Variants in PPP2R2B observed in about 807,000 individuals in gnomAD.
The protein encoded by PPP2R2B is serine/threonine-protein phosphatase 2A 55 kDa regulatory subunit B beta isoform.
In PPP2R2B, 5 loss-of-function variants were observed where a neutral mutation model predicts 46.0. The observed-to-expected ratio is 0.11, with a 90% CI of 0.06 to 0.23. PPP2R2B has a LOEUF of 0.23. Among genes scored for constraint, PPP2R2B ranks in the 10% least tolerant of loss-of-function variants. PPP2R2B has a pLI of 1.00. For missense variants in PPP2R2B, 367 were observed against 575.0 expected (o/e 0.64, Z 3.70); for synonymous variants, 215 against 206.7 (o/e 1.04, Z -0.34).
intron 6 of PPP2R2B, among the ~76,000 whole-genome samples, chr5:146,649,691 C>T (rs1459853590): frequency 6.6e-6 from 1 of 152,144 alleles, no homozygotes; most frequent in Non-Finnish European, 1.5e-5. Flanking sequence ...CTGAAGCAAT[C>T]CACCTACCTA....
chr5:146,615,544 A>T (rs1267008854), intron 7 of PPP2R2B, among the ~76,000 whole-genome samples: 1 of 149,800 alleles, frequency 6.7e-6, no homozygotes, highest in Non-Finnish European at 1.5e-5. Context: ...AAAAAAAACT[A>T]TTAGAACTGA....
chr5:146,859,997 G>T (rs565954094), intron 2 of PPP2R2B, among the ~76,000 whole-genome samples: 1 of 152,304 alleles, frequency 6.6e-6, no homozygotes, highest in South Asian at 2.1e-4. Flanking sequence ...CCATCTTATT[G>T]GAGAGATTCA....
At chr5:146,637,426 A>C (rs433525) in intron 7 of PPP2R2B, among the ~76,000 whole-genome samples, 19,097 of 152,152 alleles carry the variant, frequency 0.13, 2,297 homozygotes, top group African/African-American at 0.3. Flanking sequence ...CCCGAAACAA[A>C]AATCTATGTA....
At chr5:147,014,547 T>C in intron 1 of PPP2R2B, among the ~76,000 whole-genome samples, 1 of 152,146 alleles carries the variant, frequency 6.6e-6, no homozygotes, top group Non-Finnish European at 1.5e-5. Context: ...CATGGAATAC[T>C]ATGCAGCCAT....
Position 146,580,981 on chromosome 5 carries a change from G to T in PPP2R2B, c.*8966C>A, listed in dbSNP as rs540720905. On this transcript the variant is annotated 3_prime_UTR_variant, in exon 10 of 10. Transcript: ENST00000394411. The stretch of plus-strand genomic sequence containing the variant: ...TCAGCTTTTTGAGCTGAACTTTCTT[G>T]TTCCATGATGGATACTTTCTCGGTT... 6.6e-6 allele frequency among the ~76,000 whole-genome samples: 1 copy of T among 152,042 alleles called. No homozygotes were observed. The highest frequency in any genetic ancestry group is 2.4e-5 in the African/African-American group (1 of 41,490).
At chr5:146,946,981 T>A (rs1415630265) in intron 1 of PPP2R2B, among the ~76,000 whole-genome samples, 1 of 151,964 alleles carries the variant, frequency 6.6e-6, no homozygotes, top group Non-Finnish European at 1.5e-5. Context: ...CAATCCTGCA[T>A]CTTGTTTTAT....
At chr5:147,045,447 G>A (rs531239425) in intron 1 of PPP2R2B, among the ~76,000 whole-genome samples, 1 of 152,200 alleles carries the variant, frequency 6.6e-6, no homozygotes, top group East Asian at 1.9e-4. Flanking sequence ...ATATAGCCTG[G>A]GTATGTAGTA....
At chr5:146,716,622 GATCTGAGACC>G (rs1228203924) in intron 2 of PPP2R2B, among the ~76,000 whole-genome samples, 1 of 152,066 alleles carries the variant, frequency 6.6e-6, no homozygotes, top group Non-Finnish European at 1.5e-5. Context: ...TCCCTAGTGG[GATCTGAGACC>G]ATCACTCAAT....
At chr5:147,001,966 C>T (rs545161027) in intron 1 of PPP2R2B, among the ~76,000 whole-genome samples, 15 of 152,136 alleles carry the variant, frequency 9.9e-5, no homozygotes, top group Non-Finnish European at 1.6e-4. Context: ...TTGGTTGACC[C>T]TGCGGCCATG....
chr5:146,645,422 G>A (rs1295088137), intron 6 of PPP2R2B, among the ~76,000 whole-genome samples: 1 of 152,186 alleles, frequency 6.6e-6, no homozygotes, highest in Non-Finnish European at 1.5e-5. Flanking sequence ...GGCTCAATAT[G>A]AGGAGACTGA....
At chr5:146,834,895 A>T (rs532346374) in intron 2 of PPP2R2B, among the ~76,000 whole-genome samples, 1 of 152,312 alleles carries the variant, frequency 6.6e-6, no homozygotes, top group Admixed American at 6.5e-5. Flanking sequence ...CTGTTCCTGC[A>T]TTAGTTGGCT....
chr5:147,004,807 A>G (rs1754357688), intron 1 of PPP2R2B, among the ~76,000 whole-genome samples: 1 of 152,122 alleles, frequency 6.6e-6, no homozygotes, highest in Non-Finnish European at 1.5e-5. Flanking sequence ...AGAGAACAGG[A>G]ATAGCTCTTG....
At chr5:146,799,866 T>G (rs1485547773) in intron 2 of PPP2R2B, among the ~76,000 whole-genome samples, 1 of 152,220 alleles carries the variant, frequency 6.6e-6, no homozygotes, top group Non-Finnish European at 1.5e-5. Flanking sequence ...ACAACAAAGA[T>G]GCACAATGAT....
chr5:146,774,828 A>G (rs1444467158), intron 2 of PPP2R2B, among the ~76,000 whole-genome samples: 2 of 152,064 alleles, frequency 1.3e-5, no homozygotes, highest in African/African-American at 2.4e-5. Context: ...AAAAAAAAAA[A>G]AAAAGAAAAG....
In PPP2R2B at chr5:146,892,544, T is replaced by A. The variant is rs10063221; in HGVS notation, c.79+163121A>T. On this transcript the variant is annotated intron_variant, in intron 1 of 8. Coordinates refer to the PPP2R2B transcript ENST00000336640. ...ATTTTTCTTATTATCTCATGTAACT[T>A]CTTAAGATCATCAGGCCTTCAGTCT... Among the ~76,000 whole-genome samples the A allele has an allele frequency of 1.9e-3, 293 of 152,296 alleles. 1 individual carries two copies. The highest frequency in any genetic ancestry group is 6.8e-3 in the Middle Eastern group (2 of 294).
intron 2 of PPP2R2B, among the ~76,000 whole-genome samples, chr5:146,820,776 T>C (rs1488217096): frequency 6.6e-6 from 1 of 152,132 alleles, no homozygotes; most frequent in Non-Finnish European, 1.5e-5. Flanking sequence ...CCTCTGCTGC[T>C]ACTTTCTTCA....
chr5:146,956,539 C>T (rs1435059501), intron 1 of PPP2R2B, among the ~76,000 whole-genome samples: 2 of 152,170 alleles, frequency 1.3e-5, no homozygotes, highest in African/African-American at 4.8e-5. Context: ...ATTTTAGAAA[C>T]ACTTCAAACT....
At chr5:146,625,585 T>C (rs1318058429) in intron 7 of PPP2R2B, among the ~76,000 whole-genome samples, 3 of 152,140 alleles carry the variant, frequency 2.0e-5, no homozygotes, top group African/African-American at 7.2e-5. Context: ...AAATGTATGG[T>C]ATTAAGTGCT....
At chr5:146,983,447 T>C (rs970053739) in intron 1 of PPP2R2B, among the ~76,000 whole-genome samples, 1 of 152,224 alleles carries the variant, frequency 6.6e-6, no homozygotes, top group Non-Finnish European at 1.5e-5. Context: ...CCCAAAGTGC[T>C]GGGATTATAG....
Sources: allele counts gnomAD v4.1 joint callset (sites outside exome capture counted in the v4.1 genomes callset), GRCh38; gene constraint gnomAD v4.1.1; transcripts MANE v1.5; gene names NCBI Gene and HGNC (gene_info 2026-07-23, HGNC 2026-07-21).